LPP: variants seen among roughly 807,000 people sequenced by gnomAD.
LPP encodes lipoma-preferred partner.
A neutral mutation model predicts 60.4 loss-of-function variants in LPP; 38 were observed. That is an observed-to-expected ratio of 0.63 (90% CI 0.49 to 0.83). The LOEUF (loss-of-function observed/expected upper bound fraction) is 0.83, where lower values mean the gene tolerates loss of function less well. Among genes scored for constraint, LPP ranks in the 40% least tolerant of loss-of-function variants. The pLI, the probability that LPP is intolerant of heterozygous loss-of-function variation, is 0.00. For synonymous variants in LPP, 328 were observed against 290.8 expected, an observed-to-expected ratio of 1.13 and a Z score of -1.30; for missense variants, 902 against 783.6, an observed-to-expected ratio of 1.15 and a Z score of -1.80.
intron 5 of LPP, among the ~76,000 whole-genome samples, chr3:188,513,489 G>A (rs535212003): frequency 6.6e-6 from 1 of 151,894 alleles, no homozygotes; most frequent in East Asian, 1.9e-4. Context: ...CTATTTTACT[G>A]TCAAATAGTT....
chr3:188,168,970 C>T (rs1257795757), intron 1 of LPP, among the ~76,000 whole-genome samples: 1 of 152,220 alleles, frequency 6.6e-6, no homozygotes, highest in Non-Finnish European at 1.5e-5. Context: ...CACCACCTCC[C>T]CCACCTCCCA....
At chr3:188,752,763 C>T (rs929858858) in intron 8 of LPP, among the ~76,000 whole-genome samples, 21 of 152,128 alleles carry the variant, frequency 1.4e-4, no homozygotes, top group African/African-American at 4.8e-4. Context: ...ATTCCAATAC[C>T]CCGGGACAAA....
At chr3:188,438,541 C>A (rs796607211) in intron 4 of LPP, among the ~76,000 whole-genome samples, 5 of 152,202 alleles carry the variant, frequency 3.3e-5, no homozygotes, top group African/African-American at 9.6e-5. Context: ...CAACCTGGCC[C>A]CAGAGCTTAC....
intron 3 of LPP, among the ~76,000 whole-genome samples, chr3:188,395,028 A>G (rs1159518408): frequency 6.6e-6 from 1 of 152,190 alleles, no homozygotes; most frequent in Non-Finnish European, 1.5e-5. Flanking sequence ...TTGGAATTAG[A>G]GTTAAATAAA....
At chr3:188,603,273 T>C (rs866475222) in intron 6 of LPP, among the ~76,000 whole-genome samples, 3,278 of 152,040 alleles carry the variant, frequency 0.022, 124 homozygotes, top group African/African-American at 0.076. Flanking sequence ...GAGAGAAAGA[T>C]TTTCCAGTGT....
At chr3:188,730,974 A>T (rs1234377102) in intron 8 of LPP, among the ~76,000 whole-genome samples, 2 of 152,032 alleles carry the variant, frequency 1.3e-5, no homozygotes, top group Non-Finnish European at 2.9e-5. Context: ...ATTGGTAAGG[A>T]CCTACTTGAT....
At chr3:188,455,112 T>G (rs985597867) in intron 4 of LPP, among the ~76,000 whole-genome samples, 1 of 151,940 alleles carries the variant, frequency 6.6e-6, no homozygotes, top group African/African-American at 2.4e-5. Context: ...CCAATTAGAG[T>G]GGGAGATAGT....
intron 8 of LPP, chr3:188,743,927 G>A (rs940331507): frequency 2.0e-5 from 3 of 151,912 alleles, no homozygotes; most frequent in African/African-American, 4.8e-5. Flanking sequence ...TTTGGCATGC[G>A]TCTTCTTTCT....
chr3:188,657,617 T>C (rs1421005155), intron 7 of LPP, among the ~76,000 whole-genome samples: 1 of 152,042 alleles, frequency 6.6e-6, no homozygotes, highest in African/African-American at 2.4e-5. Flanking sequence ...CTATGGGCCT[T>C]TTTTTCTTAG....
intron 4 of LPP, among the ~76,000 whole-genome samples, chr3:188,458,748 T>C (rs780878636): frequency 6.6e-6 from 1 of 152,214 alleles, no homozygotes; most frequent in Non-Finnish European, 1.5e-5. Context: ...AGGAGAGCTC[T>C]TTTGCAAGAT....
intron 2 of LPP, chr3:188,247,141 C>T (rs772512677): frequency 1.6e-4 from 159 of 984,124 alleles, no homozygotes; most frequent in East Asian, 4.6e-4. Flanking sequence ...GAGCTCTTTT[C>T]GGCATGAAGG....
intron 10 of LPP, among the ~76,000 whole-genome samples, chr3:188,866,838 C>G (rs777695641): frequency 6.6e-6 from 1 of 152,170 alleles, no homozygotes; most frequent in Non-Finnish European, 1.5e-5. Flanking sequence ...CCCTGCCACT[C>G]TACTGATAGG....
chr3:188,602,490 A>G (rs1205443874), intron 6 of LPP, among the ~76,000 whole-genome samples: 4 of 151,796 alleles, frequency 2.6e-5, no homozygotes, highest in African/African-American at 4.8e-5. Flanking sequence ...GAAACCAATT[A>G]TATTTATTTA....
rs149613969 is a variant in LPP, at chr3:188,296,412, T to A, written c.-66-45251T>A. 5.9e-3 allele frequency among the ~76,000 whole-genome samples: 896 copies of A among 152,260 alleles called. 37 individuals carry two copies. Among genetic ancestry groups the A allele is most frequent in the Admixed American group, 0.053 (804 of 15,300 alleles). On this transcript the variant is annotated intron_variant, in intron 2 of 11. Transcript: ENST00000617246. ...AGAGGTAAGGGTTTGGGAAGGTAGTTCTAGGCTGACTGAAGAGTGTGAGCA... is the reference window on the plus strand; with the variant it reads ...AGAGGTAAGGGTTTGGGAAGGTAGTACTAGGCTGACTGAAGAGTGTGAGCA...
intron 4 of LPP, among the ~76,000 whole-genome samples, chr3:188,412,286 A>T (rs1785096993): frequency 6.6e-6 from 1 of 152,194 alleles, no homozygotes; most frequent in African/African-American, 2.4e-5. Context: ...ATTTTCCTTT[A>T]GTATATAAAT....
At chr3:188,264,249 C>T (rs1734651934) in intron 2 of LPP, among the ~76,000 whole-genome samples, 1 of 151,262 alleles carries the variant, frequency 6.6e-6, no homozygotes, top group South Asian at 2.1e-4. Flanking sequence ...TAGGAACAAA[C>T]ATTAGTTTTG....
chr3:188,441,609 C>CTTTCTTTTTTTTTTTTTTTTT (rs1793886236), intron 4 of LPP, among the ~76,000 whole-genome samples: 32 of 55,654 alleles, frequency 5.7e-4, no homozygotes, highest in South Asian at 8.6e-4. Context: ...CTTTTCTTTT[C>CTTTCTTTTTTTTTTTTTTTTT]TTTTTTTTTT....
chr3:188,849,474 G>A (rs1281605199), intron 9 of LPP, among the ~76,000 whole-genome samples: 3 of 152,130 alleles, frequency 2.0e-5, no homozygotes, highest in Non-Finnish European at 2.9e-5. Flanking sequence ...TCATAAAGAT[G>A]TGATTTTTAA....
chr3:188,319,493 T>G (rs1372623704), intron 2 of LPP, among the ~76,000 whole-genome samples: 2 of 152,258 alleles, frequency 1.3e-5, no homozygotes, highest in Non-Finnish European at 2.9e-5. Flanking sequence ...ACTAATCAAA[T>G]GCATTTGAAA....
Sources: gnomAD v4.1 joint callset for allele counts (sites outside exome capture counted in the v4.1 genomes callset) on GRCh38, gnomAD v4.1.1 for gene constraint, MANE v1.5 for transcripts, NCBI Gene and HGNC (gene_info 2026-07-23, HGNC 2026-07-21) for gene names.